The following ANTXR1 variants were observed in gnomAD, a reference collection of about 807,000 sequenced individuals.
ANTXR1 encodes anthrax toxin receptor 1.
ANTXR1 carries 19 observed loss-of-function variants against 78.1 expected under a neutral mutation model. That is an observed-to-expected ratio of 0.24 (90% CI 0.17 to 0.36). The LOEUF is 0.36. Among genes scored for constraint, ANTXR1 ranks in the 10% least tolerant of loss-of-function variants. ANTXR1 has a pLI of 1.00. For synonymous variants in ANTXR1, 273 were observed against 260.5 expected, an observed-to-expected ratio of 1.05 and a Z score of -0.46; for missense variants, 518 against 718.6, an observed-to-expected ratio of 0.72 and a Z score of 3.19.
At chr2:69,077,249 T>C (rs1670761168) in intron 7 of ANTXR1, 159 bp from the exon 8 acceptor site, 1 of 718,202 alleles carries the variant, frequency 1.4e-6, no homozygotes, top group Admixed American at 2.1e-5. Context: ...TTGTTATTAC[T>C]GATGGCTTTT....
chr2:69,147,511 C>T, intron 12 of ANTXR1, among the ~76,000 whole-genome samples: 1 of 152,200 alleles, frequency 6.6e-6, no homozygotes, highest in African/African-American at 2.4e-5. Flanking sequence ...TGTGCACATC[C>T]ACACTGGGCC....
In ANTXR1 at chr2:69,181,886, G is replaced by C; in HGVS notation, c.1185+5G>C. Reference sequence around the variant, plus strand: ...GGAGGCATTAAAAGAATGGAGGTAAGAGGACAGCTTCATATACACTTATCT... The same window carrying C: ...GGAGGCATTAAAAGAATGGAGGTAACAGGACAGCTTCATATACACTTATCT... On this transcript the variant is annotated splice_donor_5th_base_variant and intron_variant, in intron 15 of 17. Transcript: ENST00000303714. 1 of 1,613,966 alleles carries C rather than the reference G, an allele frequency of 6.2e-7. No individual in the cohort carries two copies. The highest frequency in any genetic ancestry group is 1.3e-5 in the African/African-American group (1 of 75,040).
chr2:69,218,423 A>C (rs1675231225), intron 17 of ANTXR1, among the ~76,000 whole-genome samples: 1 of 152,174 alleles, frequency 6.6e-6, no homozygotes, highest in Non-Finnish European at 1.5e-5. Flanking sequence ...GGGAGATTTC[A>C]TTGTGTTGTC....
chr2:69,203,938 A>C (rs956146110), intron 17 of ANTXR1, among the ~76,000 whole-genome samples: 24 of 152,358 alleles, frequency 1.6e-4, no homozygotes, highest in Admixed American at 1.4e-3. Flanking sequence ...ATGGGAATAA[A>C]GCAACCCTGT....
chr2:69,026,288 C>T (rs1671342499), intron 1 of ANTXR1, among the ~76,000 whole-genome samples: 1 of 152,234 alleles, frequency 6.6e-6, no homozygotes, highest in African/African-American at 2.4e-5. Context: ...AATCTCAGCC[C>T]TACCACATAC....
intron 3 of ANTXR1, among the ~76,000 whole-genome samples, chr2:69,048,424 C>T (rs1230203859): frequency 1.3e-5 from 2 of 151,884 alleles, no homozygotes; most frequent in Non-Finnish European, 2.9e-5. Context: ...AATTTAGCAC[C>T]CCTATTTATA....
At position 69,183,587 on chromosome 2, in the gene ANTXR1, T is replaced by G. The variant is rs1422146564; in HGVS notation, c.1353+927T>G. On this transcript the variant is annotated intron_variant, in intron 16 of 17. Coordinates refer to ENST00000303714, the MANE Select transcript of ANTXR1 (RefSeq NM_032208.3). ...CAGCTAATTTTTGTTTTTTTTTTTT[T>G]TTTTTTTTTTTTGAGGGACGGATTT... Among the ~76,000 whole-genome samples, 361 of 140,634 alleles carry G rather than the reference T, an allele frequency of 2.6e-3. 2 individuals carry two copies. The highest frequency in any genetic ancestry group is 9.4e-3 in the African/African-American group (334 of 35,468). 92.3% of individuals were successfully genotyped at this position (140,634 alleles called of 152,430 possible).
intron 3 of ANTXR1, among the ~76,000 whole-genome samples, chr2:69,058,663 G>T (rs527412002): frequency 6.6e-6 from 1 of 152,286 alleles, no homozygotes; most frequent in Non-Finnish European, 1.5e-5. Context: ...CATCCATTCT[G>T]TAGCCCATGG....
chr2:69,197,843 C>G (rs1674699065), intron 17 of ANTXR1, among the ~76,000 whole-genome samples: 1 of 152,172 alleles, frequency 6.6e-6, no homozygotes, highest in African/African-American at 2.4e-5. Flanking sequence ...AGAAAGAACG[C>G]TTCAAGGGGT....
chr2:69,241,440 A>G (rs1573999511), intron 17 of ANTXR1, among the ~76,000 whole-genome samples: 1 of 152,162 alleles, frequency 6.6e-6, no homozygotes, highest in East Asian at 1.9e-4. Context: ...GTCTTACTGT[A>G]TATTACCCCA....
intron 16 of ANTXR1, among the ~76,000 whole-genome samples, chr2:69,184,875 T>A (rs1303832011): frequency 1.3e-5 from 2 of 152,078 alleles, no homozygotes; most frequent in African/African-American, 4.8e-5. Context: ...AAATACAGAT[T>A]CCCAGGCCCA....
chr2:69,161,068 C>G lies in ANTXR1; in HGVS notation c.1047+8804C>G, dbSNP rs571192820. On this transcript the variant is annotated intron_variant, in intron 13 of 17. Transcript: ENST00000303714. Reference sequence around the variant, plus strand: ...CCCTGCTCAGATCCCACTGACACTACTAGTGTCTAAAAATCGGCTTTCCCG... The same window carrying G: ...CCCTGCTCAGATCCCACTGACACTAGTAGTGTCTAAAAATCGGCTTTCCCG... Among the ~76,000 whole-genome samples, 8 of 152,318 alleles carry G rather than the reference C, an allele frequency of 5.3e-5. No individual in the cohort carries two copies. The East Asian group carries it at 1.5e-3, about 29-fold the overall frequency.
At chr2:69,200,526 A>G (rs573800822) in intron 17 of ANTXR1, among the ~76,000 whole-genome samples, 39 of 152,276 alleles carry the variant, frequency 2.6e-4, no homozygotes, top group African/African-American at 9.1e-4. Flanking sequence ...GCACTCTTGC[A>G]TTCTCTCTCC....
chr2:69,145,296 A>C, intron 12 of ANTXR1: 1 of 1,564,346 alleles, frequency 6.4e-7, no homozygotes, highest in Non-Finnish European at 8.7e-7. Context: ...ATAATTTTGC[A>C]TTTGTATTTT....
rs1411076939 is a variant in ANTXR1, at chr2:69,122,957, T to C, written c.803-60T>C. On this transcript the variant is annotated intron_variant, in intron 10 of 17. Transcript: ENST00000303714. ...CTTGGTTGATGTTCTCTAGAAGTCATTGAATTTGAAATTATAAACTCACCT... is the reference window on the plus strand; with the variant it reads ...CTTGGTTGATGTTCTCTAGAAGTCACTGAATTTGAAATTATAAACTCACCT... The C allele has an allele frequency of 1.2e-5, 18 of 1,559,618 alleles. 1 individual carries two copies. In the South Asian group the frequency reaches 1.3e-4, roughly 12 times the overall value.
At chr2:69,145,427 G>T in intron 12 of ANTXR1, 1 of 1,564,326 alleles carries the variant, frequency 6.4e-7, no homozygotes, top group South Asian at 1.2e-5. Context: ...AAAACGGGGA[G>T]AGAGGAGCCA....
chr2:69,045,502 A>G (rs1462962151), intron 3 of ANTXR1, among the ~76,000 whole-genome samples: 1 of 152,120 alleles, frequency 6.6e-6, no homozygotes, highest in African/African-American at 2.4e-5. Flanking sequence ...AAATAGTGAG[A>G]TGGCCCACAT....
intron 7 of ANTXR1, among the ~76,000 whole-genome samples, chr2:69,076,921 A>C (rs938035218): frequency 6.6e-6 from 1 of 152,136 alleles, no homozygotes; most frequent in African/African-American, 2.4e-5. Flanking sequence ...AGCCAAACCA[A>C]CTGCAAGGGC....
chr2:69,135,299 T>G (rs79319851), intron 12 of ANTXR1: 9,473 of 160,218 alleles, frequency 0.059, 363 homozygotes, highest in Middle Eastern at 0.082. Context: ...GAGAGTAAAT[T>G]GAGAAAAAAA....
Sources: gnomAD v4.1 joint callset for allele counts (sites outside exome capture counted in the v4.1 genomes callset) on GRCh38, gnomAD v4.1.1 for gene constraint, MANE v1.5 for transcripts, NCBI Gene and HGNC (gene_info 2026-07-23, HGNC 2026-07-21) for gene names.